Variants in NKAIN3 observed in about 807,000 individuals in gnomAD.
The protein encoded by NKAIN3 is sodium/potassium-transporting ATPase subunit beta-1-interacting protein 3.
Under a neutral mutation model 30.2 loss-of-function variants are expected in NKAIN3, and 25 were observed. That is an observed-to-expected ratio of 0.83 (90% CI 0.60 to 1.16). The LOEUF (loss-of-function observed/expected upper bound fraction) is 1.16. NKAIN3 is among the 50% of genes most tolerant of loss of function. The pLI, the probability that NKAIN3 is intolerant of heterozygous loss-of-function variation, is 0.00. For synonymous variants in NKAIN3, 91 were observed against 89.6 expected, an observed-to-expected ratio of 1.02 and a Z score of -0.09; for missense variants, 225 against 254.1, an observed-to-expected ratio of 0.89 and a Z score of 0.78.
At chr8:62,632,739 G>A (rs1812003400) in intron 3 of NKAIN3, among the ~76,000 whole-genome samples, 2 of 151,498 alleles carry the variant, frequency 1.3e-5, no homozygotes, top group Non-Finnish European at 3.0e-5. Context: ...CTGACCTCAG[G>A]TGATCCACCC....
intron 4 of NKAIN3, among the ~76,000 whole-genome samples, chr8:62,846,025 A>C (rs1277014030): frequency 1.3e-5 from 2 of 152,194 alleles, no homozygotes; most frequent in Non-Finnish European, 2.9e-5. Flanking sequence ...CAAGTTTCTA[A>C]AACTTAATTG....
intron 4 of NKAIN3, among the ~76,000 whole-genome samples, chr8:62,775,340 CT>C (rs1459563774): frequency 6.6e-6 from 1 of 150,654 alleles, no homozygotes; most frequent in African/African-American, 2.4e-5. Context: ...TTTTGTTTAT[CT>C]TTTCAAAAAA....
intron 3 of NKAIN3, among the ~76,000 whole-genome samples, chr8:62,603,612 A>G (rs1182805685): frequency 6.6e-6 from 1 of 152,136 alleles, no homozygotes; most frequent in African/African-American, 2.4e-5. Context: ...TCTGAGCCCC[A>G]TGCTATAATG....
chr8:62,990,549 C>G (rs760037722), intron 5 of NKAIN3: 4 of 261,436 alleles, frequency 1.5e-5, no homozygotes, highest in Non-Finnish European at 2.5e-5. Flanking sequence ...TCTGATTTTA[C>G]TTTTTGAAAA....
chr8:62,589,319 C>A (rs73257126), intron 2 of NKAIN3, among the ~76,000 whole-genome samples: 3,156 of 151,746 alleles, frequency 0.021, 122 homozygotes, highest in African/African-American at 0.073. Context: ...CCTAGGTTTC[C>A]ATAAATATTC....
chr8:62,670,811 A>G (rs1813275587), intron 3 of NKAIN3, among the ~76,000 whole-genome samples: 1 of 150,460 alleles, frequency 6.6e-6, no homozygotes, highest in African/African-American at 2.4e-5. Context: ...TCCCTGTGGT[A>G]TGGGGGTCCA....
intron 4 of NKAIN3, among the ~76,000 whole-genome samples, chr8:62,771,580 T>G (rs573534519): frequency 6.6e-6 from 1 of 151,614 alleles, no homozygotes; most frequent in African/African-American, 2.4e-5. Context: ...GAAAGAGAGA[T>G]GAGAGAGTAA....
chr8:62,495,182 A>T (rs548179770), intron 1 of NKAIN3, among the ~76,000 whole-genome samples: 1 of 152,100 alleles, frequency 6.6e-6, no homozygotes, highest in African/African-American at 2.4e-5. Flanking sequence ...TAACTATGTC[A>T]TGACCAATTT....
chr8:62,825,543 G>T (rs1003675207), intron 4 of NKAIN3, among the ~76,000 whole-genome samples: 1 of 152,132 alleles, frequency 6.6e-6, no homozygotes, highest in Non-Finnish European at 1.5e-5. Flanking sequence ...GCATGTGTGT[G>T]TGTTTGTCGT....
At chr8:62,435,484 G>A (rs941032893) in intron 1 of NKAIN3, among the ~76,000 whole-genome samples, 3 of 152,100 alleles carry the variant, frequency 2.0e-5, no homozygotes, top group African/African-American at 7.2e-5. Flanking sequence ...GTAGATATAC[G>A]AAGCCAAGAA....
intron 1 of NKAIN3, among the ~76,000 whole-genome samples, chr8:62,468,758 G>T (rs1352536931): frequency 1.3e-5 from 2 of 152,034 alleles, no homozygotes; most frequent in Non-Finnish European, 2.9e-5. Flanking sequence ...CTTATAATTT[G>T]AGTTCTGCTT....
chr8:62,897,496 A>G (rs1040488601), intron 4 of NKAIN3, among the ~76,000 whole-genome samples: 1 of 152,142 alleles, frequency 6.6e-6, no homozygotes, highest in Admixed American at 6.6e-5. Flanking sequence ...CCCAATGGGG[A>G]CATAGACACT....
intron 1 of NKAIN3, among the ~76,000 whole-genome samples, chr8:62,370,795 T>G (rs1816884023): frequency 1.3e-5 from 2 of 151,994 alleles, no homozygotes; most frequent in Admixed American, 1.3e-4. Flanking sequence ...GAAAATCATT[T>G]TCTATGACTG....
intron 1 of NKAIN3, among the ~76,000 whole-genome samples, chr8:62,478,382 T>C (rs1197281192): frequency 1.3e-5 from 2 of 152,184 alleles, no homozygotes; most frequent in African/African-American, 4.8e-5. Context: ...GCCAAAATGA[T>C]TGTCTGTTAC....
chr8:62,268,676 C>G (rs1016364565), intron 1 of NKAIN3, among the ~76,000 whole-genome samples: 1 of 152,174 alleles, frequency 6.6e-6, no homozygotes, highest in Non-Finnish European at 1.5e-5. Flanking sequence ...TATTATCCCT[C>G]TTTTATAGAT....
intron 4 of NKAIN3, among the ~76,000 whole-genome samples, chr8:62,859,522 C>A (rs1223476417): frequency 0.022 from 505 of 22,944 alleles, 4 homozygotes; most frequent in South Asian, 0.049. Flanking sequence ...AAAAAAAAAA[C>A]TTCATGGAAG....
intron 6 of NKAIN3, among the ~76,000 whole-genome samples, chr8:62,957,235 G>A (rs761454923): frequency 7.2e-5 from 11 of 151,914 alleles, no homozygotes; most frequent in African/African-American, 1.5e-4. Context: ...CTGAGTTCAC[G>A]CCATTCTCCT....
At chr8:62,993,498 A>G (rs1387851011) in intron 5 of NKAIN3, among the ~76,000 whole-genome samples, 1 of 152,164 alleles carries the variant, frequency 6.6e-6, no homozygotes, top group Non-Finnish European at 1.5e-5. Context: ...AAACCTGGAG[A>G]GTAAATAATG....
chr8:62,380,970 T>C (rs1186117539), intron 1 of NKAIN3, among the ~76,000 whole-genome samples: 1 of 152,218 alleles, frequency 6.6e-6, no homozygotes, highest in African/African-American at 2.4e-5. Context: ...GGGGACTTTA[T>C]AATTTACTTC....
Sources: gnomAD v4.1 joint callset for allele counts (sites outside exome capture counted in the v4.1 genomes callset) on GRCh38, gnomAD v4.1.1 for gene constraint, MANE v1.5 for transcripts, NCBI Gene and HGNC (gene_info 2026-07-23, HGNC 2026-07-21) for gene names.